Variants in ATP13A4 observed in about 807,000 individuals in gnomAD.
ATP13A4 encodes ATPase 13A4, also known as probable cation-transporting ATPase 13A4.
ATP13A4 carries 114 observed loss-of-function variants against 142.5 expected under a neutral mutation model. The ratio of observed to expected loss-of-function variants is 0.80; its 90% CI spans 0.69 to 0.93. The LOEUF (loss-of-function observed/expected upper bound fraction) is 0.93, where lower values mean the gene tolerates loss of function less well. Ranked by LOEUF, ATP13A4 falls within the 40% of genes least tolerant of loss-of-function variation. The pLI, the probability that ATP13A4 is intolerant of heterozygous loss-of-function variation, is 0.00. For synonymous variants in ATP13A4, 488 were observed against 514.8 expected, an observed-to-expected ratio of 0.95 and a Z score of 0.70; for missense variants, 1,392 against 1,454.0, an observed-to-expected ratio of 0.96 and a Z score of 0.69.
intron 1 of ATP13A4, among the ~76,000 whole-genome samples, chr3:193,536,298 T>C (rs1228205050): frequency 1.3e-5 from 2 of 152,004 alleles, no homozygotes; most frequent in South Asian, 4.1e-4. Context: ...CATTATTAAG[T>C]AGGGTTTAAT....
chr3:193,573,980 A>G (rs2108742922), intron 2 of ATP13A4, among the ~76,000 whole-genome samples: 1 of 152,276 alleles, frequency 6.6e-6, no homozygotes, highest in South Asian at 2.1e-4. Context: ...GGGTGGTTGA[A>G]TGATGAGGGG....
At chr3:193,431,925 T>G (rs1360689749) in intron 25 of ATP13A4, among the ~76,000 whole-genome samples, 1 of 151,880 alleles carries the variant, frequency 6.6e-6, no homozygotes, top group Non-Finnish European at 1.5e-5. Context: ...GATGTTAGAA[T>G]CTGGCTAATG....
intron 17 of ATP13A4, among the ~76,000 whole-genome samples, chr3:193,450,799 C>T (rs2108630756): frequency 6.6e-6 from 1 of 152,260 alleles, no homozygotes; most frequent in East Asian, 1.9e-4. Flanking sequence ...GAGCCCCCGT[C>T]CCATCTAGTG....
chr3:193,448,354 TTG>T (rs1560194048), intron 17 of ATP13A4, 24 bp from the exon 18 acceptor site: 2 of 1,612,758 alleles, frequency 1.2e-6, no homozygotes, highest in Non-Finnish European at 1.7e-6. Flanking sequence ...TATAGATGTA[TTG>T]AACAGAAATA....
At chr3:193,538,719 C>A (rs1722718849) in intron 1 of ATP13A4, among the ~76,000 whole-genome samples, 1 of 151,634 alleles carries the variant, frequency 6.6e-6, no homozygotes, top group African/African-American at 2.4e-5. Context: ...TAATATGAGA[C>A]CAAAAAGGAA....
At chr3:193,421,564 G>T (rs570340585) in intron 25 of ATP13A4, among the ~76,000 whole-genome samples, 1 of 149,916 alleles carries the variant, frequency 6.7e-6, no homozygotes, top group South Asian at 2.1e-4. Flanking sequence ...CTAGTATGAA[G>T]TCTAAAAGCC....
intron 8 of ATP13A4, among the ~76,000 whole-genome samples, chr3:193,482,631 G>A (rs1348971707): frequency 6.6e-6 from 1 of 152,154 alleles, no homozygotes; most frequent in Non-Finnish European, 1.5e-5. Context: ...TATATGAGCA[G>A]CAAATAAGTA....
intron 1 of ATP13A4, among the ~76,000 whole-genome samples, chr3:193,518,284 T>C (rs1395431341): frequency 3.3e-5 from 5 of 152,242 alleles, no homozygotes; most frequent in African/African-American, 9.6e-5. Context: ...TTCAAATGTA[T>C]GAGCTCCAGC....
At chr3:193,555,722 T>C (rs1279098879), upstream of ATP13A4, among the ~76,000 whole-genome samples, 1 of 152,194 alleles carries the variant, frequency 6.6e-6, no homozygotes, top group African/African-American at 2.4e-5. Flanking sequence ...CAAACAAATA[T>C]GATAGAAAGT....
chr3:193,554,996 C>G (rs1723829519), upstream of ATP13A4: 1 of 1,405,498 alleles, frequency 7.1e-7, no homozygotes, highest in Non-Finnish European at 9.6e-7. Context: ...CCACGAGTCG[C>G]CCTCTGCTAG....
intron 1 of ATP13A4, among the ~76,000 whole-genome samples, chr3:193,552,643 A>C (rs369620931): frequency 6.6e-6 from 1 of 152,184 alleles, no homozygotes; most frequent in East Asian, 1.9e-4. Flanking sequence ...AAGGAAGGGA[A>C]TGTGTTCTGT....
chr3:193,502,405 C>T (rs1275727057), intron 3 of ATP13A4, 88 bp downstream of exon 3: 1 of 1,448,170 alleles, frequency 6.9e-7, no homozygotes. Context: ...TGAGGATTGG[C>T]ACAGTAGAGG....
chr3:193,455,703 T>C (rs1340588118), intron 16 of ATP13A4, among the ~76,000 whole-genome samples: 1 of 152,190 alleles, frequency 6.6e-6, no homozygotes, highest in Non-Finnish European at 1.5e-5. Flanking sequence ...CAAAGACAGG[T>C]AAATCATTGC....
At chr3:193,545,478 TGA>T (rs1367687396) in intron 1 of ATP13A4, among the ~76,000 whole-genome samples, 1 of 152,178 alleles carries the variant, frequency 6.6e-6, no homozygotes, top group Non-Finnish European at 1.5e-5. Context: ...AGGGAAAAGT[TGA>T]GGAGATGGTA....
At position 193,411,009 on chromosome 3, in the gene ATP13A4, A is replaced by G; in HGVS notation, c.3270T>C (p.Asp1090=). Residue 1090 remains aspartate (D), a synonymous_variant, in exon 28 of 30, where the codon GAT becomes GAC. Transcript: ENST00000342695. The stretch of plus-strand genomic sequence containing the variant: ...CCAAACGTCTATATAATTCTGGTAT[A>G]TCAGCAAATAGAATGAATAGACATA... ...LGVCLFILFA[D]IPELYRRLDL... is the part of the protein sequence containing the mutation. 6.2e-7 allele frequency: 1 copy of G among 1,609,986 alleles called. No individual in the cohort carries two copies. Among genetic ancestry groups the G allele is most frequent in the Non-Finnish European group, 8.5e-7 (1 of 1,176,476 alleles).
chr3:193,483,458 GTTTGT>G (rs548070166), intron 8 of ATP13A4, among the ~76,000 whole-genome samples: 2 of 151,964 alleles, frequency 1.3e-5, no homozygotes, highest in African/African-American at 2.4e-5. Context: ...TTTTTTGTTT[GTTTGT>G]TTTGTTTTGT....
At chr3:193,422,590 T>C (rs550107617) in intron 25 of ATP13A4, among the ~76,000 whole-genome samples, 14 of 149,582 alleles carry the variant, frequency 9.4e-5, no homozygotes, top group Non-Finnish European at 1.8e-4. Context: ...TCAGAAACTA[T>C]ACAAATATAT....
intron 1 of ATP13A4, among the ~76,000 whole-genome samples, chr3:193,519,834 G>A (rs1339220961): frequency 2.0e-5 from 3 of 151,362 alleles, no homozygotes; most frequent in Admixed American, 6.6e-5. Flanking sequence ...TAGTACAGAC[G>A]AGGTTTCACC....
chr3:193,530,936 G>A (rs1722279084), intron 1 of ATP13A4, among the ~76,000 whole-genome samples: 1 of 152,010 alleles, frequency 6.6e-6, no homozygotes. Flanking sequence ...TATACACCCT[G>A]CACTCCAGCT....
Sources: allele counts gnomAD v4.1 joint callset (sites outside exome capture counted in the v4.1 genomes callset), GRCh38; gene constraint gnomAD v4.1.1; transcripts MANE v1.5; gene names NCBI Gene and HGNC (gene_info 2026-07-23, HGNC 2026-07-21).